The following KSR2 variants were observed in gnomAD, a reference collection of about 807,000 sequenced individuals.
KSR2 encodes the protein kinase suppressor of ras 2.
Under a neutral mutation model 107.8 loss-of-function variants are expected in KSR2, and 25 were observed. That is an observed-to-expected ratio of 0.23 (90% confidence interval 0.17 to 0.32). KSR2 has a LOEUF of 0.32. KSR2 is among the 10% of genes least tolerant of loss of function. KSR2 has a pLI of 1.00. For missense variants in KSR2, 887 were observed against 1,268.9 expected, an observed-to-expected ratio of 0.70 and a Z score of 4.57; for synonymous variants, 480 against 507.0, an observed-to-expected ratio of 0.95 and a Z score of 0.71.
chr12:117,575,963 GC>G (rs1879260783), intron 7 of KSR2, among the ~76,000 whole-genome samples: 1 of 152,162 alleles, frequency 6.6e-6, no homozygotes, highest in South Asian at 2.1e-4. Flanking sequence ...TAGTAATGGA[GC>G]TGGGACCCAA....
intron 5 of KSR2, among the ~76,000 whole-genome samples, chr12:117,583,365 G>GGGTGGGTGAGTGAGTGGA (rs1565911973): frequency 6.9e-6 from 1 of 144,100 alleles, no homozygotes; most frequent in East Asian, 2.1e-4. Flanking sequence ...GAGTGAGTGG[G>GGGTGGGTGAGTGAGTGGA]TGGGTGGGTG....
intron 7 of KSR2, among the ~76,000 whole-genome samples, chr12:117,559,422 T>A (rs942058538): frequency 6.6e-6 from 1 of 152,196 alleles, no homozygotes; most frequent in Non-Finnish European, 1.5e-5. Context: ...ACTTGAAGAT[T>A]CATTTTATAC....
At chr12:117,540,571 G>A (rs925656592) in intron 9 of KSR2, among the ~76,000 whole-genome samples, 8 of 152,158 alleles carry the variant, frequency 5.3e-5, no homozygotes, top group East Asian at 1.9e-4. Context: ...TCGTGGATTC[G>A]GGTGAGTCCT....
intron 4 of KSR2, among the ~76,000 whole-genome samples, chr12:117,759,648 C>T (rs530758783): frequency 1.0e-3 from 159 of 152,304 alleles, no homozygotes; most frequent in African/African-American, 3.4e-3. Context: ...CCCATTCTCC[C>T]TCCCCTCAGC....
At chr12:117,626,518 A>T (rs1215847966) in intron 5 of KSR2, among the ~76,000 whole-genome samples, 4 of 152,176 alleles carry the variant, frequency 2.6e-5, no homozygotes, top group East Asian at 3.8e-4. Flanking sequence ...TGCAGTTTTG[A>T]GTGAGTTTCT....
At chr12:117,715,597 T>A (rs948124993) in intron 4 of KSR2, among the ~76,000 whole-genome samples, 9 of 152,216 alleles carry the variant, frequency 5.9e-5, no homozygotes, top group African/African-American at 2.2e-4. Flanking sequence ...ATTTTATAGA[T>A]CTTAGGTCAG....
intron 5 of KSR2, among the ~76,000 whole-genome samples, chr12:117,651,318 A>AGACCTATT (rs1565944535): frequency 6.6e-6 from 1 of 152,168 alleles, no homozygotes; most frequent in Non-Finnish European, 1.5e-5. Flanking sequence ...GTTTGCTTCT[A>AGACCTATT]GACCTATAAC....
In KSR2 at chr12:117,466,886, A is replaced by G. The variant is rs202057671; in HGVS notation, c.*313T>C. On this transcript the variant is annotated 3_prime_UTR_variant, in exon 20 of 20. Coordinates refer to ENST00000339824, the MANE Select transcript of KSR2 (RefSeq NM_173598.6). ...ACGTGGGGTCTCCTGTCCTAGTCCC[A>G]TAGCCCAAAGGCACCACGTGCAGCC... is the stretch of plus-strand genomic sequence containing the variant. 6.1e-5 allele frequency: 21 copies of G among 342,526 alleles called. No individual in the cohort carries two copies. In the East Asian group the frequency reaches 8.7e-4, roughly 14 times the overall value. 21.2% of individuals were successfully genotyped at this position (342,526 alleles called of 1,614,324 possible). A position where few individuals can be genotyped will look rare whatever the true frequency, so the allele number is the denominator to read the frequency against.
chr12:117,907,762 G>A lies in KSR2; in HGVS notation c.181-47331C>T, dbSNP rs1021860738. The stretch of plus-strand genomic sequence containing the variant: ...ATCTGAAGGGGGCAATTGTAACCAC[G>A]TCAATTTTTTTAGGTTTTTTTTTTC... On this transcript the variant is annotated intron_variant, in intron 1 of 19. Transcript: ENST00000339824. This position sits in a 1 kb window ranked among gnomAD's most constrained non-coding sequence, Gnocchi z 4.3. 2.0e-5 allele frequency among the ~76,000 whole-genome samples: 3 copies of A among 151,948 alleles called. No homozygotes were observed. The highest frequency in any genetic ancestry group is 4.8e-5 in the African/African-American group (2 of 41,370).
chr12:117,481,400 T>G (rs1356088067), intron 16 of KSR2, among the ~76,000 whole-genome samples: 1 of 152,134 alleles, frequency 6.6e-6, no homozygotes, highest in African/African-American at 2.4e-5. Context: ...ATAAGATTGG[T>G]GTTCTTATAA....
chr12:117,705,160 C>A (rs895582461), intron 4 of KSR2, among the ~76,000 whole-genome samples: 1 of 152,018 alleles, frequency 6.6e-6, no homozygotes, highest in Non-Finnish European at 1.5e-5. Flanking sequence ...GAAGGGCAGT[C>A]CTGGGGACTC....
At chr12:117,843,738 A>G (rs1329161665) in intron 3 of KSR2, among the ~76,000 whole-genome samples, 1 of 152,108 alleles carries the variant, frequency 6.6e-6, no homozygotes, top group African/African-American at 2.4e-5. Flanking sequence ...TCACCACCAG[A>G]TGCTTCATGA....
In KSR2 at chr12:117,630,042, A is replaced by G. The variant is rs150995949; in HGVS notation, c.1171+37432T>C. ...GCAGAAGTGGGTCATGGGAGTGCTC[A>G]TGGACAGGCCAACAGGACCATTCTC... is the stretch of plus-strand genomic sequence containing the variant. On this transcript the variant is annotated intron_variant, in intron 5 of 19. Transcript: ENST00000339824. 6.9e-3 allele frequency among the ~76,000 whole-genome samples: 1,055 copies of G among 152,276 alleles called. 5 individuals carry two copies. The highest frequency in any genetic ancestry group is 9.4e-3 in the Non-Finnish European group (641 of 68,008).
chr12:117,731,792 AGGGC>A (rs907464693), intron 4 of KSR2, among the ~76,000 whole-genome samples: 4 of 151,298 alleles, frequency 2.6e-5, no homozygotes, highest in Non-Finnish European at 4.4e-5. Flanking sequence ...AAATGGATTA[AGGGC>A]GGTGCAAGAT....
intron 5 of KSR2, among the ~76,000 whole-genome samples, chr12:117,600,458 G>C (rs948310554): frequency 6.6e-6 from 1 of 152,148 alleles, no homozygotes; most frequent in Non-Finnish European, 1.5e-5. Context: ...CCTGGACCAC[G>C]CCCTCCGTCT....
chr12:117,574,428 C>T (rs886927294), intron 7 of KSR2, among the ~76,000 whole-genome samples: 2 of 152,130 alleles, frequency 1.3e-5, no homozygotes, highest in South Asian at 4.1e-4. Flanking sequence ...AGAAGTTTAA[C>T]GGACTCACAG....
chr12:117,476,614 G>A lies in KSR2; in HGVS notation c.2451-19C>T, dbSNP rs777113557. On this transcript the variant is annotated intron_variant, in intron 16 of 19. Coordinates refer to ENST00000339824, the MANE Select transcript of KSR2 (RefSeq NM_173598.6). Reference sequence around the variant, plus strand: ...CTCCCGCCTGGAGAAGCAAAGCACAGGATGAGCTCTGTTTCATAGCCCAGG... The same window carrying A: ...CTCCCGCCTGGAGAAGCAAAGCACAAGATGAGCTCTGTTTCATAGCCCAGG... 1 of 1,604,212 alleles carries A rather than the reference G, an allele frequency of 6.2e-7. No individual in the cohort carries two copies. The highest frequency in any genetic ancestry group is 1.7e-5 in the Admixed American group (1 of 59,056).
chr12:117,818,768 C>G (rs1305076472), intron 3 of KSR2, among the ~76,000 whole-genome samples: 1 of 152,130 alleles, frequency 6.6e-6, no homozygotes, highest in Non-Finnish European at 1.5e-5. Flanking sequence ...AGACAGGGAT[C>G]TTAGTGTTCC....
chr12:117,664,828 G>A (rs761980336), intron 5 of KSR2, among the ~76,000 whole-genome samples: 8 of 152,096 alleles, frequency 5.3e-5, no homozygotes, highest in Non-Finnish European at 8.8e-5. Flanking sequence ...TGTAACATGG[G>A]AATTCTAGCA....
Sources: gnomAD v4.1 joint callset for allele counts (sites outside exome capture counted in the v4.1 genomes callset) on GRCh38, gnomAD v4.1.1 for gene constraint, Gnocchi (gnomAD v3.1) non-coding constraint, MANE v1.5 for transcripts, NCBI Gene and HGNC (gene_info 2026-07-23, HGNC 2026-07-21) for gene names.